The following SLC66A3 variants were observed in gnomAD, a reference collection of about 807,000 sequenced individuals.
The protein encoded by SLC66A3 is PQ loop repeat containing 3.
In SLC66A3, 23 loss-of-function variants were observed where a neutral mutation model predicts 25.5. The ratio of observed to expected loss-of-function variants is 0.90; its 90% CI spans 0.65 to 1.28. SLC66A3 has a LOEUF of 1.28. SLC66A3 is among the 50% of genes most tolerant of loss of function. The pLI, the probability that SLC66A3 is intolerant of heterozygous loss-of-function variation, is 0.00. For missense variants in SLC66A3, 246 were observed against 262.1 expected, an observed-to-expected ratio of 0.94 and a Z score of 0.42; for synonymous variants, 108 against 112.6, an observed-to-expected ratio of 0.96 and a Z score of 0.26.
rs912093364 is a variant in SLC66A3 at position 11,178,489 on chromosome 2, T to C, written c.*661T>C. 4.6e-5 allele frequency: 7 copies of C among 152,636 alleles called. No homozygotes were observed. The highest frequency in any genetic ancestry group is 8.8e-5 in the Non-Finnish European group (6 of 68,048). The allele number at this position is 152,636 out of a possible 1,614,324, so 9.5% of individuals were successfully genotyped here. A position where few individuals can be genotyped will look rare whatever the true frequency, so the allele number is the denominator to read the frequency against. On this transcript the variant is annotated 3_prime_UTR_variant, in exon 7 of 7. Coordinates refer to ENST00000295083, the MANE Select transcript of SLC66A3 (RefSeq NM_152391.5). ...ACTAGGATTAGCTGCAATCTCTACT[T>C]TCGATGAGGAAATCCCAGTAAGCTT...
intron 4 of SLC66A3, among the ~76,000 whole-genome samples, chr2:11,166,800 CAGG>C (rs1246626295): frequency 6.6e-6 from 1 of 152,192 alleles, no homozygotes; most frequent in African/African-American, 2.4e-5. Context: ...GAGACTGAGT[CAGG>C]AGAATCGCTT....
At chr2:11,159,953 G>C (rs1662053991) in intron 1 of SLC66A3, among the ~76,000 whole-genome samples, 1 of 152,180 alleles carries the variant, frequency 6.6e-6, no homozygotes, top group East Asian at 1.9e-4. Context: ...GAAGGCAACT[G>C]GACCATCCAG....
At chr2:11,166,686 T>C (rs1558254829) in intron 4 of SLC66A3, among the ~76,000 whole-genome samples, 1 of 152,022 alleles carries the variant, frequency 6.6e-6, no homozygotes, top group Non-Finnish European at 1.5e-5. Flanking sequence ...AGGTCAGGAG[T>C]TGGAGGCCAG....
chr2:11,177,928 A>C lies in SLC66A3; in HGVS notation c.*100A>C. 2 of 752,122 alleles carry C rather than the reference A, an allele frequency of 2.7e-6. No homozygotes were observed. Among genetic ancestry groups the C allele is most frequent in the South Asian group, 3.4e-5 (2 of 58,956 alleles). The allele number at this position is 752,122 out of a possible 1,614,324, so 46.6% of individuals were successfully genotyped here. Reference sequence around the variant, plus strand: ...AGGTCTTTTATAAATTTAGTAAATCAGTTTATAATCTTTAAAGCCAAAGGT... The same window carrying C: ...AGGTCTTTTATAAATTTAGTAAATCCGTTTATAATCTTTAAAGCCAAAGGT... On this transcript the variant is annotated 3_prime_UTR_variant, in exon 7 of 7. Coordinates refer to ENST00000295083, the MANE Select transcript of SLC66A3 (RefSeq NM_152391.5).
At chr2:11,160,153 C>T in intron 1 of SLC66A3, 4 of 420,240 alleles carry the variant, frequency 9.5e-6, no homozygotes, top group Non-Finnish European at 1.7e-5. Context: ...CCAGAAGGCC[C>T]AGTCTCATAT....
intron 6 of SLC66A3, among the ~76,000 whole-genome samples, chr2:11,177,508 AT>A (rs1662800136): frequency 6.6e-6 from 1 of 152,180 alleles, no homozygotes; most frequent in Non-Finnish European, 1.5e-5. Flanking sequence ...CCAGAGCCAC[AT>A]TACTGTCAAT....
chr2:11,169,774 A>G (rs1482719480), intron 4 of SLC66A3, among the ~76,000 whole-genome samples: 1 of 150,406 alleles, frequency 6.6e-6, no homozygotes, highest in African/African-American at 2.4e-5. Context: ...AGTTAATGGG[A>G]ACTCTGTTCT....
chr2:11,171,581 T>C (rs890698584), intron 4 of SLC66A3, among the ~76,000 whole-genome samples: 1 of 152,120 alleles, frequency 6.6e-6, no homozygotes, highest in African/African-American at 2.4e-5. Context: ...TTTTGCTTTT[T>C]TTTTGAGATG....
At chr2:11,166,203 A>G (rs144710188) in intron 4 of SLC66A3, among the ~76,000 whole-genome samples, 46 of 152,286 alleles carry the variant, frequency 3.0e-4, no homozygotes, top group Middle Eastern at 6.8e-3. Context: ...AGAATTGAGC[A>G]TCAGTTAACT....
In SLC66A3 at chr2:11,160,468, TC is replaced by T; in HGVS notation, c.148del (p.Leu50TrpfsTer15). ...GACATGTGCCCTTCTCTCTCCAGATTCCTGGTGTTTCTGCGGTACCAGTGTT... is the reference window on the plus strand; with the variant it reads ...GACATGTGCCCTTCTCTCTCCAGATTCTGGTGTTTCTGCGGTACCAGTGTT... The part of the protein sequence containing the change: ...LPSLLLELAG[F>X]LVFLRYQCYY... On this transcript the variant is annotated frameshift_variant, in exon 2 of 7. Transcript: ENST00000295083. LOFTEE classifies it high-confidence loss of function. 1.9e-6 allele frequency: 3 copies of T among 1,614,130 alleles called. No homozygotes were observed. Among genetic ancestry groups the T allele is most frequent in the Non-Finnish European group, 2.5e-6 (3 of 1,180,012 alleles).
In SLC66A3 at chr2:11,177,910, T is replaced by G; in HGVS notation, c.*82T>G. 1.2e-6 allele frequency: 1 copy of G among 849,914 alleles called. No homozygotes were observed. The highest frequency in any genetic ancestry group is 1.9e-6 in the Non-Finnish European group (1 of 530,488). The allele number at this position is 849,914 out of a possible 1,614,324, so 52.6% of individuals were successfully genotyped here. On this transcript the variant is annotated 3_prime_UTR_variant, in exon 7 of 7. Transcript: ENST00000295083. ...AAGCTCTTTGCTAAATTAAGGTCTT[T>G]TATAAATTTAGTAAATCAGTTTATA...
At chr2:11,173,627 T>C (rs1377422487) in intron 5 of SLC66A3, among the ~76,000 whole-genome samples, 1 of 152,240 alleles carries the variant, frequency 6.6e-6, no homozygotes, top group Non-Finnish European at 1.5e-5. Flanking sequence ...AGTTGGAAGG[T>C]AGACCAAAAA....
chr2:11,165,392 G>A (rs1662294240), intron 4 of SLC66A3, among the ~76,000 whole-genome samples: 1 of 149,776 alleles, frequency 6.7e-6, no homozygotes, highest in Non-Finnish European at 1.5e-5. Context: ...GATGGTGGCC[G>A]GGAAGAGGTG....
Position 11,164,274 on chromosome 2 carries a change from C to T in SLC66A3, c.354+13C>T. 6.8e-7 allele frequency: 1 copy of T among 1,481,220 alleles called. No individual in the cohort carries two copies. The highest frequency in any genetic ancestry group is 1.5e-5 in the African/African-American group (1 of 68,316). The allele number at this position is 1,481,220 out of a possible 1,614,324, so 91.8% of individuals were successfully genotyped here. On this transcript the variant is annotated intron_variant, in intron 4 of 6. Transcript: ENST00000295083. ...AGACCTGGCCATGGTAAGTATTATG[C>T]TTGAAAAGAAAGTAGGAGGAATAAG...
At chr2:11,164,682 C>A (rs945171654) in intron 4 of SLC66A3, among the ~76,000 whole-genome samples, 20 of 151,190 alleles carry the variant, frequency 1.3e-4, no homozygotes, top group African/African-American at 3.9e-4. Context: ...GAGGACCCTG[C>A]GGCCTTCCGC....
At chr2:11,174,048 G>A (rs865788840) in intron 5 of SLC66A3, among the ~76,000 whole-genome samples, 3 of 151,980 alleles carry the variant, frequency 2.0e-5, no homozygotes, top group Admixed American at 6.6e-5. Context: ...TCAGCCTTCC[G>A]GTTTCAAGCG....
rs768774234 is a variant in SLC66A3, at chr2:11,160,664, A to C, written c.266A>C (p.Asn89Thr). 2.5e-6 allele frequency: 4 copies of C among 1,613,944 alleles called. No homozygotes were observed. The highest frequency in any genetic ancestry group is 1.7e-6 in the Non-Finnish European group (2 of 1,180,000). The change falls in exon 3 of 7, where the codon AAC (asparagine) becomes ACC (threonine). Residue 89 changes from asparagine to threonine, a missense_variant. Physicochemically the swap from Asn to Thr is moderately conservative, Grantham distance 65. Transcript: ENST00000295083. ...CTCTGTATCTTTCATTTTAACGGGA[A>C]CGTGAAGCAGGCCACTCCTTACATC... ...LLLCIFHFNG[N>T]VKQATPYIAV...
intron 6 of SLC66A3, among the ~76,000 whole-genome samples, chr2:11,175,513 G>A (rs1558261052): frequency 6.6e-6 from 1 of 152,230 alleles, no homozygotes; most frequent in Non-Finnish European, 1.5e-5. Context: ...GCTAGAGTGC[G>A]GAGAGCAGGG....
rs755367898 is a variant in SLC66A3, at chr2:11,177,746, G to C, written c.527G>C (p.Arg176Pro). ...MTTNDFTILLRFVIMLALNIW... is the reference protein window; with the variant it reads ...MTTNDFTILLPFVIMLALNIW... ...TTTTTTTTTATTTCAGTTCTTCTACGTTTTGTGATCATGCTGGCTTTAAAT... is the reference window on the plus strand; with the variant it reads ...TTTTTTTTTATTTCAGTTCTTCTACCTTTTGTGATCATGCTGGCTTTAAAT... Residue 176 changes from arginine (R) to proline (P), a missense_variant, in exon 7 of 7, where the codon CGT becomes CCT. Coordinates refer to ENST00000295083, the MANE Select transcript of SLC66A3 (RefSeq NM_152391.5). 4 of 1,606,378 alleles carry C rather than the reference G, an allele frequency of 2.5e-6. No homozygotes were observed. The highest frequency in any genetic ancestry group is 1.3e-5 in the African/African-American group (1 of 74,670).
Sources: gnomAD v4.1 joint callset for allele counts (sites outside exome capture counted in the v4.1 genomes callset) on GRCh38, gnomAD v4.1.1 for gene constraint, MANE v1.5 for transcripts, NCBI Gene and HGNC (gene_info 2026-07-23, HGNC 2026-07-21) for gene names.